HECTD2: variants seen among roughly 807,000 people sequenced by gnomAD.
The protein encoded by HECTD2 is HECT domain E3 ubiquitin protein ligase 2.
Under a neutral mutation model 103.2 loss-of-function variants are expected in HECTD2, and 35 were observed. That is an observed-to-expected ratio of 0.34 (90% confidence interval 0.26 to 0.45). The LOEUF (loss-of-function observed/expected upper bound fraction) is 0.45, where lower values mean the gene tolerates loss of function less well. Ranked by LOEUF, HECTD2 falls within the 20% of genes least tolerant of loss-of-function variation. HECTD2 has a pLI of 1.00. For synonymous variants in HECTD2, 281 were observed against 329.9 expected (o/e 0.85, Z 1.61); for missense variants, 596 against 937.4 (o/e 0.64, Z 4.76).
intron 1 of HECTD2, among the ~76,000 whole-genome samples, chr10:91,418,809 G>A (rs1564697057): frequency 6.6e-6 from 1 of 152,020 alleles, no homozygotes. Flanking sequence ...ATTAAAAATT[G>A]GTAAAGTAGG....
chr10:91,470,925 T>C (rs1845700712), intron 5 of HECTD2, among the ~76,000 whole-genome samples: 1 of 152,062 alleles, frequency 6.6e-6, no homozygotes, highest in African/African-American at 2.4e-5. Flanking sequence ...CCCTAATTCA[T>C]TTTGTGAGGC....
Position 91,410,539 on chromosome 10 carries a change from T to C in HECTD2, c.101T>C (p.Leu34Pro). The change falls in exon 1 of 21, where the codon CTG becomes CCG. Residue 34 changes from leucine (L) to proline (P), a missense_variant. This residue lies in a region of HECTD2 where 220 missense variants were observed against 233.9 expected (regional missense o/e 0.94). Coordinates refer to ENST00000298068, the MANE Select transcript of HECTD2 (RefSeq NM_182765.6). ...RKGKESEREK[L>P]PPIVSAGAGA... is the part of the protein sequence containing the mutation. ...GGGAAGGAGTCAGAGCGCGAGAAGC[T>C]GCCGCCCATCGTATCGGCGGGCGCC... 6.8e-7 allele frequency: 1 copy of C among 1,465,726 alleles called. No individual in the cohort carries two copies. Among genetic ancestry groups the C allele is most frequent in the Non-Finnish European group, 9.0e-7 (1 of 1,110,508 alleles). 90.8% of individuals were successfully genotyped at this position (1,465,726 alleles called of 1,614,324 possible). A position where few individuals can be genotyped will look rare whatever the true frequency, so the allele number is the denominator to read the frequency against.
intron 2 of HECTD2, among the ~76,000 whole-genome samples, chr10:91,449,573 A>G (rs556339092): frequency 2.8e-4 from 42 of 152,174 alleles, no homozygotes; most frequent in Non-Finnish European, 4.3e-4. Context: ...GAAATAAAGG[A>G]CATTTAAATA....
intron 2 of HECTD2, among the ~76,000 whole-genome samples, chr10:91,436,580 T>G (rs1844128115): frequency 6.6e-6 from 1 of 151,994 alleles, no homozygotes; most frequent in African/African-American, 2.4e-5. Flanking sequence ...CACCTCTTTT[T>G]TACCCTCTCC....
intron 1 of HECTD2, among the ~76,000 whole-genome samples, chr10:91,411,892 G>A (rs1842927615): frequency 6.6e-6 from 1 of 152,166 alleles, no homozygotes; most frequent in Non-Finnish European, 1.5e-5. Flanking sequence ...CAGAATTCCA[G>A]CAGTTCATTT....
chr10:91,425,381 C>T lies in HECTD2; in HGVS notation c.239C>T (p.Ala80Val). 2 of 1,571,208 alleles carry T rather than the reference C, an allele frequency of 1.3e-6. No homozygotes were observed. The highest frequency in any genetic ancestry group is 1.7e-6 in the Non-Finnish European group (2 of 1,154,466). The change falls in exon 2 of 21, where the codon GCA (alanine) becomes GTA (valine). Residue 80 changes from alanine to valine, a missense_variant. Around this residue, in one of 4 missense-constraint regions of HECTD2, gnomAD observed 220 missense variants for 233.9 expected, o/e 0.94. Transcript: ENST00000298068. ...KEAAENRSSP[A>V]HLVFPNIKNV... ...GCTGCTGAAAACAGAAGTTCACCTG[C>T]ACATCTTGTTTTCCCTAACATCAAG...
At chr10:91,490,902 A>G (rs1846452155) in intron 11 of HECTD2, among the ~76,000 whole-genome samples, 1 of 148,690 alleles carries the variant, frequency 6.7e-6, no homozygotes, top group Admixed American at 6.7e-5. Context: ...AAAAAAAAAA[A>G]AAAAAAAAAA....
chr10:91,491,144 T>C, intron 11 of HECTD2, 56 bp from the exon 12 acceptor site: 2 of 811,932 alleles, frequency 2.5e-6, no homozygotes, highest in Admixed American at 4.2e-5. Flanking sequence ...TTAAATGTTT[T>C]AAATGAAATT....
intron 5 of HECTD2, among the ~76,000 whole-genome samples, chr10:91,464,906 A>G (rs1845476766): frequency 6.6e-6 from 1 of 152,178 alleles, no homozygotes; most frequent in Admixed American, 6.5e-5. Context: ...GAGGGAAAAA[A>G]CCCTAAATGG....
At chr10:91,426,204 T>G (rs915271003) in intron 2 of HECTD2, among the ~76,000 whole-genome samples, 1 of 152,080 alleles carries the variant, frequency 6.6e-6, no homozygotes, top group Admixed American at 6.6e-5. Flanking sequence ...TAGAATTGTG[T>G]ATATATTATT....
At chr10:91,511,747 C>T (rs1321172962) in intron 20 of HECTD2, among the ~76,000 whole-genome samples, 1 of 152,172 alleles carries the variant, frequency 6.6e-6, no homozygotes, top group East Asian at 1.9e-4. Context: ...GGCAGTAATG[C>T]TCGCCTGCCA....
intron 2 of HECTD2, among the ~76,000 whole-genome samples, chr10:91,455,750 T>A (rs1845058448): frequency 6.6e-6 from 1 of 152,194 alleles, no homozygotes; most frequent in Admixed American, 6.5e-5. Context: ...AATTTTTGTA[T>A]AAGGTGAAAG....
rs1488025479 is a variant in HECTD2, at chr10:91,461,299, A to C, written c.453A>C (p.Val151=). ...AGTCATCAGGAGATTGGAAAGCAGT[A>C]CATGATTTTTATCTAACAACGTTTG... The part of the protein sequence containing the change: ...KVKSSGDWKA[V]HDFYLTTFDS... Residue 151 remains valine, a synonymous_variant, in exon 4 of 21, where the codon GTA becomes GTC. Coordinates refer to ENST00000298068, the MANE Select transcript of HECTD2 (RefSeq NM_182765.6). 6.4e-7 allele frequency: 1 copy of C among 1,557,636 alleles called. No individual in the cohort carries two copies. The highest frequency in any genetic ancestry group is 1.4e-5 in the African/African-American group (1 of 70,260).
At chr10:91,443,919 G>A (rs1477096460) in intron 2 of HECTD2, among the ~76,000 whole-genome samples, 2 of 152,140 alleles carry the variant, frequency 1.3e-5, no homozygotes, top group Non-Finnish European at 2.9e-5. Flanking sequence ...TAATTGGACA[G>A]AGGTTCAATT....
At chr10:91,500,031 C>T (rs1564736360) in intron 18 of HECTD2, among the ~76,000 whole-genome samples, 1 of 152,104 alleles carries the variant, frequency 6.6e-6, no homozygotes, top group Non-Finnish European at 1.5e-5. Context: ...AGCATGGTCT[C>T]TGTGTTTTAG....
At chr10:91,427,966 A>G (rs1364334363) in intron 2 of HECTD2, among the ~76,000 whole-genome samples, 2 of 151,726 alleles carry the variant, frequency 1.3e-5, no homozygotes, top group African/African-American at 4.9e-5. Flanking sequence ...CTATGTCCTG[A>G]ATGGTAATGC....
At chr10:91,435,653 C>T (rs543567450) in intron 2 of HECTD2, among the ~76,000 whole-genome samples, 2 of 151,990 alleles carry the variant, frequency 1.3e-5, no homozygotes, top group Non-Finnish European at 2.9e-5. Flanking sequence ...CTGTCTCTCT[C>T]GAAGCTTGTT....
chr10:91,481,250 C>A, intron 7 of HECTD2, 111 bp downstream of exon 7: 1 of 495,384 alleles, frequency 2.0e-6, no homozygotes, highest in Middle Eastern at 3.5e-4. Flanking sequence ...ATTATTGATT[C>A]TTTTTAGAAT....
At chr10:91,480,831 T>G (rs1360448397) in intron 6 of HECTD2, among the ~76,000 whole-genome samples, 1 of 152,022 alleles carries the variant, frequency 6.6e-6, no homozygotes, top group Non-Finnish European at 1.5e-5. Flanking sequence ...ACCTAACTAC[T>G]TCCAGAGTTA....
Sources: allele counts gnomAD v4.1 joint callset (sites outside exome capture counted in the v4.1 genomes callset), GRCh38; gene constraint gnomAD v4.1.1; regional missense constraint gnomAD v4.1.1; transcripts MANE v1.5; gene names NCBI Gene and HGNC (gene_info 2026-07-23, HGNC 2026-07-21).